The following HCN1 variants were observed in gnomAD, a reference collection of about 807,000 sequenced individuals.
The protein encoded by HCN1 is potassium/sodium hyperpolarization-activated cyclic nucleotide-gated channel 1.
Under a neutral mutation model 78.9 loss-of-function variants are expected in HCN1, and 13 were observed. The ratio of observed to expected loss-of-function variants is 0.16; its 90% CI spans 0.11 to 0.26. The LOEUF is 0.26. Ranked by LOEUF, HCN1 falls within the 10% of genes least tolerant of loss-of-function variation. HCN1 has a pLI of 1.00. For missense variants in HCN1, 810 were observed against 1,154.3 expected (o/e 0.70, Z 4.32); for synonymous variants, 552 against 455.5 (o/e 1.21, Z -2.70).
At chr5:45,375,190 A>ATTT (rs1747586230) in intron 4 of HCN1, among the ~76,000 whole-genome samples, 1 of 117,994 alleles carries the variant, frequency 8.5e-6, no homozygotes, top group Non-Finnish European at 1.6e-5. Flanking sequence ...AATGTATTAT[A>ATTT]TATAATATAA....
chr5:45,428,253 T>C (rs996094101), intron 3 of HCN1, among the ~76,000 whole-genome samples: 3 of 152,110 alleles, frequency 2.0e-5, no homozygotes, highest in African/African-American at 7.2e-5. Context: ...ATTGATATAT[T>C]GTACAATTTG....
intron 2 of HCN1, among the ~76,000 whole-genome samples, chr5:45,550,069 C>A (rs1225444962): frequency 1.3e-5 from 2 of 151,764 alleles, no homozygotes; most frequent in Non-Finnish European, 2.9e-5. Context: ...ACTAGTTCAA[C>A]CATTGTGGAA....
Position 45,696,144 on chromosome 5 carries a change from C to A in HCN1, c.-51G>T. The A allele has an allele frequency of 8.1e-7, 1 of 1,228,502 alleles. No homozygotes were observed. The allele number at this position is 1,228,502 out of a possible 1,614,324, so 76.1% of individuals were successfully genotyped here. On this transcript the variant is annotated 5_prime_UTR_variant, in exon 1 of 8. Coordinates refer to ENST00000303230, the MANE Select transcript of HCN1 (RefSeq NM_021072.4). ...CGCGGGCTCCAGACTCGCCGGCCGC[C>A]CGGCGCCGGAGACACGTAGCCGAGA...
At chr5:45,553,333 G>A (rs2111859702) in intron 2 of HCN1, among the ~76,000 whole-genome samples, 1 of 151,710 alleles carries the variant, frequency 6.6e-6, no homozygotes, top group Non-Finnish European at 1.5e-5. Flanking sequence ...CTAAGAAAAG[G>A]GTATATGTAA....
chr5:45,382,666 T>C (rs761120798), intron 4 of HCN1, among the ~76,000 whole-genome samples: 1 of 152,174 alleles, frequency 6.6e-6, no homozygotes, highest in Non-Finnish European at 1.5e-5. Context: ...CTTTGGTGTC[T>C]GAAATATTAT....
intron 5 of HCN1, among the ~76,000 whole-genome samples, chr5:45,315,262 A>T (rs1424819669): frequency 6.6e-6 from 1 of 152,224 alleles, no homozygotes; most frequent in African/African-American, 2.4e-5. Flanking sequence ...TAAGAAACTC[A>T]TTCAAAACCG....
chr5:45,512,262 C>A (rs898316515), intron 2 of HCN1, among the ~76,000 whole-genome samples: 1 of 152,064 alleles, frequency 6.6e-6, no homozygotes, highest in Admixed American at 6.6e-5. Context: ...GCTAGGAACA[C>A]TGTAATGTCT....
intron 5 of HCN1, among the ~76,000 whole-genome samples, chr5:45,332,445 T>C: frequency 6.6e-6 from 1 of 151,322 alleles, no homozygotes; most frequent in East Asian, 1.9e-4. Flanking sequence ...TTTCTATTTT[T>C]TTTTTTCGTA....
chr5:45,443,199 G>A (rs918956225), intron 3 of HCN1, among the ~76,000 whole-genome samples: 2 of 151,982 alleles, frequency 1.3e-5, no homozygotes, highest in African/African-American at 4.8e-5. Context: ...ATGCTACGAA[G>A]AGGCATATAC....
intron 2 of HCN1, among the ~76,000 whole-genome samples, chr5:45,551,526 T>C (rs773771270): frequency 6.6e-6 from 1 of 151,842 alleles, no homozygotes; most frequent in Admixed American, 6.6e-5. Context: ...TAGAAAATGA[T>C]AGAAGATTAA....
chr5:45,457,775 T>C (rs1446373858), intron 3 of HCN1, among the ~76,000 whole-genome samples: 1 of 152,086 alleles, frequency 6.6e-6, no homozygotes, highest in East Asian at 1.9e-4. Context: ...GGGCCAGCAA[T>C]CACATGTGAA....
intron 3 of HCN1, among the ~76,000 whole-genome samples, chr5:45,444,383 G>A (rs770958192): frequency 1.1e-4 from 16 of 152,128 alleles, no homozygotes; most frequent in Non-Finnish European, 2.4e-4. Flanking sequence ...ATAATTGCCT[G>A]AGGAATCAAA....
At chr5:45,518,145 C>G (rs1212112361) in intron 2 of HCN1, among the ~76,000 whole-genome samples, 2 of 152,034 alleles carry the variant, frequency 1.3e-5, no homozygotes, top group Non-Finnish European at 2.9e-5. Flanking sequence ...ACAACTTTAT[C>G]TTAGAGGATT....
At chr5:45,546,046 C>A (rs912375354) in intron 2 of HCN1, among the ~76,000 whole-genome samples, 3 of 152,114 alleles carry the variant, frequency 2.0e-5, no homozygotes, top group African/African-American at 7.2e-5. Flanking sequence ...ATTTGTAAAT[C>A]TGTATCTACA....
chr5:45,470,483 TG>T (rs1258923627), intron 2 of HCN1, among the ~76,000 whole-genome samples: 1 of 151,838 alleles, frequency 6.6e-6, no homozygotes, highest in Non-Finnish European at 1.5e-5. Context: ...GAGTAAGACT[TG>T]ATCTACTGGA....
At chr5:45,474,767 T>C (rs1045009658) in intron 2 of HCN1, among the ~76,000 whole-genome samples, 1 of 151,954 alleles carries the variant, frequency 6.6e-6, no homozygotes, top group Non-Finnish European at 1.5e-5. Context: ...ATACAATCAT[T>C]ATCATCAGTA....
chr5:45,532,923 A>G (rs1742889155), intron 2 of HCN1, among the ~76,000 whole-genome samples: 1 of 152,232 alleles, frequency 6.6e-6, no homozygotes, highest in Admixed American at 6.5e-5. Flanking sequence ...TCCAAGGAAT[A>G]GGTTCTCTTT....
intron 5 of HCN1, among the ~76,000 whole-genome samples, chr5:45,326,447 C>T (rs1046425526): frequency 2.6e-5 from 4 of 151,414 alleles, no homozygotes; most frequent in Admixed American, 1.3e-4. Flanking sequence ...TTTTTAGTGG[C>T]CACAAAATGT....
At chr5:45,643,678 T>C (rs1230965499) in intron 2 of HCN1, 1 of 152,158 alleles carries the variant, frequency 6.6e-6, no homozygotes, top group Non-Finnish European at 1.5e-5. Context: ...TTGTATTTAA[T>C]TGTTCTCATC....
Sources: gnomAD v4.1 joint callset for allele counts (sites outside exome capture counted in the v4.1 genomes callset) on GRCh38, gnomAD v4.1.1 for gene constraint, MANE v1.5 for transcripts, NCBI Gene and HGNC (gene_info 2026-07-23, HGNC 2026-07-21) for gene names.